Variants in PDE10A observed in about 807,000 individuals in gnomAD.
PDE10A encodes the protein phosphodiesterase 10A.
A neutral mutation model predicts 97.7 loss-of-function variants in PDE10A; 39 were observed. That is an observed-to-expected ratio of 0.40 (90% confidence interval 0.31 to 0.52). The LOEUF (loss-of-function observed/expected upper bound fraction) is 0.52. PDE10A is among the 20% of genes least tolerant of loss of function. The pLI, the probability that PDE10A is intolerant of heterozygous loss-of-function variation, is 0.56. For missense variants in PDE10A, 731 were observed against 1,047.8 expected, an observed-to-expected ratio of 0.70 and a Z score of 4.17; for synonymous variants, 371 against 376.8, an observed-to-expected ratio of 0.98 and a Z score of 0.18.
At chr6:165,550,364 G>C (rs1290445770) in intron 1 of PDE10A, among the ~76,000 whole-genome samples, 1 of 151,994 alleles carries the variant, frequency 6.6e-6, no homozygotes, top group African/African-American at 2.4e-5. Context: ...TCTGTGTTTA[G>C]CCCAGATACA....
At chr6:165,435,499 G>A (rs988212305) in intron 5 of PDE10A, 122 bp from the exon 6 acceptor site, 3 of 772,610 alleles carry the variant, frequency 3.9e-6, no homozygotes, top group Non-Finnish European at 5.7e-6. Flanking sequence ...GTCATAAAAT[G>A]AGGAAAGGTG....
chr6:165,895,362 C>T (rs969429254), intron 1 of PDE10A, among the ~76,000 whole-genome samples: 14 of 152,222 alleles, frequency 9.2e-5, no homozygotes, highest in African/African-American at 2.2e-4. Context: ...CCTGTGAAGA[C>T]GTGGGCAGAG....
In PDE10A at chr6:165,661,578, C is replaced by T. The variant is rs147638376; in HGVS notation, c.865+369G>A. The T allele has an allele frequency of 1.6e-3, 335 of 209,856 alleles. 4 individuals are homozygous for T. The East Asian group carries it at 0.02, about 13-fold the overall frequency. The allele number at this position is 209,856 out of a possible 1,614,324, so 13.0% of individuals were successfully genotyped here. A position where few individuals can be genotyped will look rare whatever the true frequency, so the allele number is the denominator to read the frequency against. ...TGGCCACAGGCTCAAGAGGGAGGAACCTAAGTGGTCACAAAGTTGAGTATA... is the reference window on the plus strand; with the variant it reads ...TGGCCACAGGCTCAAGAGGGAGGAATCTAAGTGGTCACAAAGTTGAGTATA... On this transcript the variant is annotated intron_variant, in intron 1 of 21. Coordinates refer to ENST00000539869, the MANE Select transcript of PDE10A (RefSeq NM_001385079.1). The surrounding 1 kb of genome is among the most constrained non-coding windows in gnomAD (Gnocchi z 4.8).
At chr6:165,546,178 C>T (rs7753004) in intron 1 of PDE10A, among the ~76,000 whole-genome samples, 25,686 of 151,984 alleles carry the variant, frequency 0.17, 2,517 homozygotes, top group African/African-American at 0.26. Context: ...ATACATATTA[C>T]ACAATTCCAA....
At chr6:165,785,936 T>C (rs1255212141) in intron 1 of PDE10A, among the ~76,000 whole-genome samples, 3 of 152,238 alleles carry the variant, frequency 2.0e-5, no homozygotes, top group African/African-American at 7.2e-5. Flanking sequence ...AATGGGTTTC[T>C]CATTCAAATG....
intron 1 of PDE10A, among the ~76,000 whole-genome samples, chr6:165,603,307 T>A (rs1307337256): frequency 6.6e-6 from 1 of 152,236 alleles, no homozygotes; most frequent in Non-Finnish European, 1.5e-5. Flanking sequence ...TCACTGGTGC[T>A]TTATCGTTAT....
intron 1 of PDE10A, among the ~76,000 whole-genome samples, chr6:165,918,249 C>T (rs909061832): frequency 6.6e-6 from 1 of 152,134 alleles, no homozygotes; most frequent in Non-Finnish European, 1.5e-5. Flanking sequence ...GTGGAAAGTA[C>T]AATGAATTTT....
intron 18 of PDE10A, among the ~76,000 whole-genome samples, chr6:165,361,225 G>A (rs1357437465): frequency 1.3e-5 from 2 of 152,214 alleles, no homozygotes; most frequent in Admixed American, 1.3e-4. Context: ...CATGTACAGA[G>A]CACTCCACCA....
intron 2 of PDE10A, among the ~76,000 whole-genome samples, chr6:165,509,241 T>C (rs553821848): frequency 2.4e-4 from 36 of 152,128 alleles, no homozygotes; most frequent in African/African-American, 8.4e-4. Flanking sequence ...ACTTATCATT[T>C]CTATGTGTTT....
chr6:165,398,308 G>A (rs1786340274), intron 13 of PDE10A, among the ~76,000 whole-genome samples: 1 of 152,096 alleles, frequency 6.6e-6, no homozygotes. Flanking sequence ...GCGAAACCCT[G>A]TCTCTACTAA....
At chr6:165,447,151 C>T (rs548815918) in intron 5 of PDE10A, among the ~76,000 whole-genome samples, 1 of 151,796 alleles carries the variant, frequency 6.6e-6, no homozygotes, top group African/African-American at 2.4e-5. Flanking sequence ...GGTTTTGTAA[C>T]CTAAATCCAA....
At chr6:165,474,885 G>C (rs1190748390) in intron 3 of PDE10A, among the ~76,000 whole-genome samples, 1 of 152,076 alleles carries the variant, frequency 6.6e-6, no homozygotes, top group Non-Finnish European at 1.5e-5. Flanking sequence ...TCGAGAAAAA[G>C]AGAAAAAAGC....
In PDE10A at chr6:165,629,328, C is replaced by T. The variant is rs138050549; in HGVS notation, c.865+32619G>A. Among the ~76,000 whole-genome samples the T allele has an allele frequency of 1.4e-3, 214 of 152,212 alleles. 1 individual carries two copies. The highest frequency in any genetic ancestry group is 4.7e-3 in the African/African-American group (197 of 41,538). On this transcript the variant is annotated intron_variant, in intron 1 of 21. Transcript: ENST00000539869. Reference sequence around the variant, plus strand: ...AGTGTACCAATCCAAGGTATGACTTCAACAGCATACAGCTAAGGTTCTACA... The same window carrying T: ...AGTGTACCAATCCAAGGTATGACTTTAACAGCATACAGCTAAGGTTCTACA...
At chr6:165,733,191 G>A (rs1792483061) in intron 1 of PDE10A, among the ~76,000 whole-genome samples, 1 of 152,188 alleles carries the variant, frequency 6.6e-6, no homozygotes, top group Non-Finnish European at 1.5e-5. Flanking sequence ...AACCTCCCTA[G>A]CCATGTTCCA....
intron 1 of PDE10A, among the ~76,000 whole-genome samples, chr6:165,905,407 C>T (rs890549949): frequency 6.2e-4 from 94 of 152,140 alleles, no homozygotes; most frequent in African/African-American, 2.1e-3. Flanking sequence ...TTAAAAATCT[C>T]GATCTTTTAT....
intron 1 of PDE10A, among the ~76,000 whole-genome samples, chr6:165,557,789 A>T (rs1784330938): frequency 6.6e-6 from 1 of 152,228 alleles, no homozygotes; most frequent in African/African-American, 2.4e-5. Context: ...ACTATGAGTC[A>T]GGCATTGTAT....
intron 10 of PDE10A, among the ~76,000 whole-genome samples, chr6:165,427,701 C>T (rs950835016): frequency 2.0e-5 from 3 of 152,064 alleles, no homozygotes; most frequent in Non-Finnish European, 4.4e-5. Context: ...ATACAAAGAA[C>T]GAGCAGTAAG....
At chr6:165,524,123 C>T (rs1346589733) in intron 2 of PDE10A, among the ~76,000 whole-genome samples, 1 of 152,186 alleles carries the variant, frequency 6.6e-6, no homozygotes, top group Admixed American at 6.5e-5. Context: ...GACTGACTCT[C>T]CTTGCTCCTC....
chr6:165,486,101 G>A (rs748378680), intron 2 of PDE10A, among the ~76,000 whole-genome samples: 4 of 152,174 alleles, frequency 2.6e-5, no homozygotes, highest in African/African-American at 9.7e-5. Context: ...AGACACAACT[G>A]TAAAAGGGGA....
Sources: allele counts gnomAD v4.1 joint callset (sites outside exome capture counted in the v4.1 genomes callset), GRCh38; gene constraint gnomAD v4.1.1; non-coding constraint Gnocchi (gnomAD v3.1); transcripts MANE v1.5; gene names NCBI Gene and HGNC (gene_info 2026-07-23, HGNC 2026-07-21).